The following CNTN6 variants were observed in gnomAD, a reference collection of about 807,000 sequenced individuals.
CNTN6 encodes contactin 6, also known as contactin-6.
CNTN6 carries 137 observed loss-of-function variants against 122.8 expected under a neutral mutation model. The observed-to-expected ratio is 1.12, with a 90% confidence interval of 0.97 to 1.29. The LOEUF (loss-of-function observed/expected upper bound fraction) is 1.29. CNTN6 is among the 50% of genes most tolerant of loss of function. The probability of loss-of-function intolerance (pLI) is 0.00; values close to 1 mark genes in which losing one functional copy is unlikely to be tolerated. For synonymous variants in CNTN6, 570 were observed against 426.0 expected (o/e 1.34, Z -4.16); for missense variants, 1,634 against 1,223.4 (o/e 1.34, Z -5.01).
intron 12 of CNTN6, among the ~76,000 whole-genome samples, chr3:1,358,834 G>T (rs951739806): frequency 4.6e-5 from 7 of 151,986 alleles, no homozygotes; most frequent in African/African-American, 1.2e-4. Flanking sequence ...ACTTTGAAAG[G>T]CTGAGGTGGG....
At chr3:1,392,129 G>T (rs1395778025) in intron 20 of CNTN6, among the ~76,000 whole-genome samples, 6 of 152,254 alleles carry the variant, frequency 3.9e-5, no homozygotes, top group African/African-American at 1.2e-4. Context: ...CAAAGCTGGA[G>T]GCATCACACT....
intron 20 of CNTN6, chr3:1,394,307 C>A: frequency 5.4e-6 from 1 of 184,744 alleles, no homozygotes; most frequent in Non-Finnish European, 1.1e-5. Context: ...CCCCCCGAAA[C>A]AGGGCTCCAC....
intron 17 of CNTN6, among the ~76,000 whole-genome samples, chr3:1,379,272 C>A (rs1250832745): frequency 6.6e-6 from 1 of 152,114 alleles, no homozygotes; most frequent in Non-Finnish European, 1.5e-5. Flanking sequence ...ACAAATTTGT[C>A]TAGTTTCCTG....
chr3:1,387,863 A>C (rs1693306176), intron 20 of CNTN6, among the ~76,000 whole-genome samples: 1 of 152,196 alleles, frequency 6.6e-6, no homozygotes, highest in Non-Finnish European at 1.5e-5. Context: ...CCAGCTTAAA[A>C]AACGGCGCAC....
intron 2 of CNTN6, among the ~76,000 whole-genome samples, chr3:1,175,363 G>C (rs1340195775): frequency 6.7e-6 from 1 of 150,370 alleles, no homozygotes; most frequent in Non-Finnish European, 1.5e-5. Context: ...CCAATGATTA[G>C]ATACAGTGGA....
At chr3:1,313,232 G>A (rs1479512371) in intron 7 of CNTN6, among the ~76,000 whole-genome samples, 1 of 152,044 alleles carries the variant, frequency 6.6e-6, no homozygotes, top group Non-Finnish European at 1.5e-5. Flanking sequence ...ACTGCTAAGT[G>A]CAGTATCATA....
intron 7 of CNTN6, among the ~76,000 whole-genome samples, chr3:1,300,281 G>T (rs923093148): frequency 6.6e-6 from 1 of 151,900 alleles, no homozygotes; most frequent in African/African-American, 2.4e-5. Flanking sequence ...CCACTGCGCC[G>T]ACCGCATTCT....
intron 2 of CNTN6, among the ~76,000 whole-genome samples, chr3:1,205,477 T>A (rs2093945574): frequency 6.6e-6 from 1 of 152,332 alleles, no homozygotes; most frequent in Non-Finnish European, 1.5e-5. Context: ...TCCTTGGTTT[T>A]CATCCTTAGC....
chr3:1,403,506 T>C lies in CNTN6; in HGVS notation c.*88T>C, dbSNP rs1056389098. On this transcript the variant is annotated 3_prime_UTR_variant, in exon 23 of 23. Coordinates refer to ENST00000446702, the MANE Select transcript of CNTN6 (RefSeq NM_001289080.2). ...CAGCCTCTGACACAAGATGCGTTCTTAATACAGACTTGTTTGCAAAGAAAA... is the reference window on the plus strand; with the variant it reads ...CAGCCTCTGACACAAGATGCGTTCTCAATACAGACTTGTTTGCAAAGAAAA... 6.0e-5 allele frequency: 40 copies of C among 668,674 alleles called. No individual in the cohort carries two copies. The highest frequency in any genetic ancestry group is 1.2e-4 in the Admixed American group (4 of 34,368). 41.4% of individuals were successfully genotyped at this position (668,674 alleles called of 1,614,324 possible).
intron 11 of CNTN6, among the ~76,000 whole-genome samples, chr3:1,349,643 C>A (rs147832293): frequency 6.6e-6 from 1 of 151,812 alleles, no homozygotes; most frequent in African/African-American, 2.4e-5. Context: ...GCCATTTGAT[C>A]TTCACTGAGT....
chr3:1,313,561 C>T (rs1001269290), intron 7 of CNTN6, among the ~76,000 whole-genome samples: 1 of 152,044 alleles, frequency 6.6e-6, no homozygotes, highest in Non-Finnish European at 1.5e-5. Flanking sequence ...AACTTGTATT[C>T]AGCTCTATAA....
chr3:1,167,810 AAC>A (rs2093285363), intron 2 of CNTN6, among the ~76,000 whole-genome samples: 2 of 152,320 alleles, frequency 1.3e-5, no homozygotes, highest in Middle Eastern at 3.4e-3. Context: ...AAGGGATGCT[AAC>A]ACCCAACATA....
chr3:1,314,377 T>A (rs1430381618), intron 7 of CNTN6, among the ~76,000 whole-genome samples: 2 of 152,090 alleles, frequency 1.3e-5, no homozygotes, highest in East Asian at 3.9e-4. Flanking sequence ...AAGTTAATAA[T>A]CCCAAATACA....
intron 1 of CNTN6, among the ~76,000 whole-genome samples, chr3:1,117,568 T>A (rs2091775270): frequency 6.6e-6 from 1 of 152,188 alleles, no homozygotes; most frequent in Non-Finnish European, 1.5e-5. Flanking sequence ...AACTTTAATT[T>A]GTACTGCAGG....
At chr3:1,134,390 T>A (rs182144873) in intron 1 of CNTN6, among the ~76,000 whole-genome samples, 1 of 152,124 alleles carries the variant, frequency 6.6e-6, no homozygotes, top group African/African-American at 2.4e-5. Flanking sequence ...TGAGCTAGTC[T>A]CCTACAGTGT....
chr3:1,368,539 C>T (rs1029105229), intron 12 of CNTN6, among the ~76,000 whole-genome samples: 2 of 152,052 alleles, frequency 1.3e-5, no homozygotes, highest in African/African-American at 4.8e-5. Flanking sequence ...AAAAACTTAT[C>T]AAAAAGTATT....
At chr3:1,121,205 G>T (rs1372889902) in intron 1 of CNTN6, among the ~76,000 whole-genome samples, 1 of 115,378 alleles carries the variant, frequency 8.7e-6, no homozygotes, top group Admixed American at 8.8e-5. Flanking sequence ...TTCTTGAGAG[G>T]TATGTAGTAC....
At chr3:1,153,893 T>C (rs943136343) in intron 2 of CNTN6, among the ~76,000 whole-genome samples, 1 of 152,178 alleles carries the variant, frequency 6.6e-6, no homozygotes, top group African/African-American at 2.4e-5. Flanking sequence ...GGATATTCCT[T>C]TGGGTCAGAG....
intron 1 of CNTN6, among the ~76,000 whole-genome samples, chr3:1,098,789 C>CACAAATATATATATAT: frequency 1.6e-5 from 1 of 63,258 alleles, no homozygotes. Flanking sequence ...CACACACACA[C>CACAAATATATATATAT]ATATATATAT....
Sources: allele counts gnomAD v4.1 joint callset (sites outside exome capture counted in the v4.1 genomes callset), GRCh38; gene constraint gnomAD v4.1.1; transcripts MANE v1.5; gene names NCBI Gene and HGNC (gene_info 2026-07-23, HGNC 2026-07-21).